RAPGEF1: variants seen among roughly 807,000 people sequenced by gnomAD.
The protein encoded by RAPGEF1 is CRK SH3-binding GNRP.
In RAPGEF1, 33 loss-of-function variants were observed where a neutral mutation model predicts 143.3. That is an observed-to-expected ratio of 0.23 (90% CI 0.17 to 0.31). RAPGEF1 has a LOEUF of 0.31. Ranked by LOEUF, RAPGEF1 falls within the 10% of genes least tolerant of loss-of-function variation. The pLI is 1.00. For missense variants in RAPGEF1, 1,199 were observed against 1,645.4 expected (o/e 0.73, Z 4.69); for synonymous variants, 629 against 676.5 (o/e 0.93, Z 1.09).
intron 15 of RAPGEF1, chr9:131,598,570 G>A (rs1564486858): frequency 5.0e-6 from 3 of 595,774 alleles, no homozygotes; most frequent in South Asian, 4.6e-5. Context: ...GTTCCATTAA[G>A]CTGTTTGAGT....
chr9:131,717,953 T>G (rs1360316016), intron 1 of RAPGEF1, among the ~76,000 whole-genome samples: 1 of 152,052 alleles, frequency 6.6e-6, no homozygotes, highest in Non-Finnish European at 1.5e-5. Context: ...GAACTCATGT[T>G]TGCCCAGTTC....
chr9:131,590,935 GGA>G (rs1406861074), intron 18 of RAPGEF1, among the ~76,000 whole-genome samples: 1 of 152,180 alleles, frequency 6.6e-6, no homozygotes, highest in Non-Finnish European at 1.5e-5. Context: ...TACACAATAG[GGA>G]GTTATAGAGC....
At chr9:131,613,834 G>A (rs755409082) in intron 12 of RAPGEF1, among the ~76,000 whole-genome samples, 13 of 152,148 alleles carry the variant, frequency 8.5e-5, no homozygotes, top group Non-Finnish European at 1.5e-4. Flanking sequence ...GGTATGGACT[G>A]GTAGATGCTA....
chr9:131,649,152 C>G (rs1013281493), intron 3 of RAPGEF1, among the ~76,000 whole-genome samples: 29 of 151,646 alleles, frequency 1.9e-4, no homozygotes, highest in Non-Finnish European at 2.1e-4. Context: ...CCTGCCTCAG[C>G]CTCCCAAGCA....
intron 1 of RAPGEF1, among the ~76,000 whole-genome samples, chr9:131,678,055 G>A (rs1251540234): frequency 2.0e-5 from 3 of 152,292 alleles, no homozygotes; most frequent in Non-Finnish European, 1.5e-5. Context: ...GCTTAGAATC[G>A]AGGTCAACGC....
intron 10 of RAPGEF1, among the ~76,000 whole-genome samples, chr9:131,625,019 C>A (rs979773070): frequency 6.6e-6 from 1 of 152,224 alleles, no homozygotes; most frequent in Non-Finnish European, 1.5e-5. Flanking sequence ...AGAATGGGGC[C>A]CAGCTCTAAG....
In RAPGEF1 at chr9:131,714,596, C is replaced by G. The variant is rs527794994; in HGVS notation, c.61+25174G>C. On this transcript the variant is annotated intron_variant, in intron 1 of 26. Transcript: ENST00000683357. ...TCCAAGTGTGAGTTCCAGCTCAGCC[C>G]AGAATATAAACAAAAGCGATGACCA... 3.9e-5 allele frequency among the ~76,000 whole-genome samples: 6 copies of G among 152,152 alleles called. No individual in the cohort carries two copies. The South Asian group carries it at 1.2e-3, about 32-fold the overall frequency.
At chr9:131,637,678 T>C (rs1438796584) in intron 5 of RAPGEF1, among the ~76,000 whole-genome samples, 1 of 152,162 alleles carries the variant, frequency 6.6e-6, no homozygotes, top group Admixed American at 6.5e-5. Flanking sequence ...CACCACATAA[T>C]TAATAATAAA....
chr9:131,628,502 C>G lies in RAPGEF1; in HGVS notation c.1017+47G>C. 6.3e-7 allele frequency: 1 copy of G among 1,599,592 alleles called. No individual in the cohort carries two copies. The highest frequency in any genetic ancestry group is 1.1e-5 in the South Asian group (1 of 90,362). On this transcript the variant is annotated intron_variant, in intron 8 of 26. Coordinates refer to ENST00000683357, the MANE Select transcript of RAPGEF1 (RefSeq NM_001377935.1). The surrounding 1 kb of genome is among the most constrained non-coding windows in gnomAD (Gnocchi z 5.7). Reference sequence around the variant, plus strand: ...CTTCAGGAGCCACATCCCTGAGCCCCCCACCCCCTCCCTGCCTTCCCATGC... The same window carrying G: ...CTTCAGGAGCCACATCCCTGAGCCCGCCACCCCCTCCCTGCCTTCCCATGC...
In RAPGEF1 at chr9:131,643,713, T is replaced by C. The variant is rs147174201; in HGVS notation, c.316-296A>G. Among the ~76,000 whole-genome samples the C allele has an allele frequency of 3.3e-5, 5 of 152,336 alleles. No homozygotes were observed. In the East Asian group the frequency reaches 9.6e-4, roughly 29 times the overall value. On this transcript the variant is annotated intron_variant, in intron 3 of 26. Transcript: ENST00000683357. ...TCCTGTCTGTCCTCATCAGCCACAC[T>C]GACAGACCACCACTAACCCTGTTAA...
intron 13 of RAPGEF1, among the ~76,000 whole-genome samples, chr9:131,604,263 G>C (rs1271223583): frequency 6.6e-6 from 1 of 152,226 alleles, no homozygotes; most frequent in Non-Finnish European, 1.5e-5. Flanking sequence ...TCATCCTGGA[G>C]AGATGGCCCC....
chr9:131,693,402 T>C (rs1035531821), intron 1 of RAPGEF1, among the ~76,000 whole-genome samples: 1 of 152,166 alleles, frequency 6.6e-6, no homozygotes, highest in African/African-American at 2.4e-5. Context: ...TCAAGTTCCA[T>C]ACCACTAAGC....
chr9:131,629,808 A>G (rs1964355727), intron 6 of RAPGEF1, among the ~76,000 whole-genome samples: 1 of 152,040 alleles, frequency 6.6e-6, no homozygotes, highest in Admixed American at 6.6e-5. Context: ...AAAAAGCTCC[A>G]AATTTATGTT....
chr9:131,597,517 A>G (rs1472869684), intron 16 of RAPGEF1, among the ~76,000 whole-genome samples: 1 of 152,150 alleles, frequency 6.6e-6, no homozygotes. Flanking sequence ...CGAAGCCCCA[A>G]AACAGTTGCC....
intron 1 of RAPGEF1, among the ~76,000 whole-genome samples, chr9:131,712,079 G>A (rs904789821): frequency 6.6e-6 from 1 of 152,152 alleles, no homozygotes; most frequent in Non-Finnish European, 1.5e-5. Flanking sequence ...ACTTGGCAAA[G>A]CAAATGGCAT....
intron 3 of RAPGEF1, among the ~76,000 whole-genome samples, chr9:131,646,225 C>G (rs188397995): frequency 6.6e-6 from 1 of 152,010 alleles, no homozygotes; most frequent in African/African-American, 2.4e-5. Flanking sequence ...CTTAGTGGGA[C>G]GTGGGGGAGG....
intron 3 of RAPGEF1, 104 bp from the exon 4 acceptor site, chr9:131,643,521 A>G: frequency 8.8e-7 from 1 of 1,139,100 alleles, no homozygotes. Flanking sequence ...ATCGATAGGA[A>G]TGGAAAGGCT....
At chr9:131,649,159 A>G (rs2133411887) in intron 3 of RAPGEF1, among the ~76,000 whole-genome samples, 1 of 150,356 alleles carries the variant, frequency 6.7e-6, no homozygotes, top group East Asian at 2.0e-4. Context: ...CAGCCTCCCA[A>G]GCAGCTGGGA....
chr9:131,626,406 G>C lies in RAPGEF1; in HGVS notation c.1218C>G (p.Asp406Glu), dbSNP rs1336504576. The C allele has an allele frequency of 1.2e-6, 2 of 1,600,116 alleles. No homozygotes were observed. The highest frequency in any genetic ancestry group is 1.7e-6 in the Non-Finnish European group (2 of 1,170,264). The stretch of plus-strand genomic sequence containing the variant: ...AGAGGTCTTGCTGGAGGAATTCATA[G>C]TCGGGATCATAGTGGTCTGCAGTTA... Reference protein sequence around the residue: ...SCETLDHYDPDYEFLQQDLSN... With the variant: ...SCETLDHYDPEYEFLQQDLSN... Residue 406 changes from aspartate to glutamate, a missense_variant, in exon 10 of 27, where the codon GAC becomes GAG. By Grantham distance (45) the Asp-to-Glu change is conservative. This residue lies in a region of RAPGEF1 where 613 missense variants were observed against 710.9 expected (regional missense o/e 0.86). Coordinates refer to ENST00000683357, the MANE Select transcript of RAPGEF1 (RefSeq NM_001377935.1).
Sources: gnomAD v4.1 joint callset for allele counts (sites outside exome capture counted in the v4.1 genomes callset) on GRCh38, gnomAD v4.1.1 for gene constraint, gnomAD v4.1.1 regional missense constraint, Gnocchi (gnomAD v3.1) non-coding constraint, MANE v1.5 for transcripts, NCBI Gene and HGNC (gene_info 2026-07-23, HGNC 2026-07-21) for gene names.